The following KIAA0319 variants were observed in gnomAD, a reference collection of about 807,000 sequenced individuals.
KIAA0319 encodes the protein dyslexia-associated protein KIAA0319.
KIAA0319 carries 83 observed loss-of-function variants against 108.4 expected under a neutral mutation model. The ratio of observed to expected loss-of-function variants is 0.77; its 90% CI spans 0.64 to 0.92. The LOEUF (loss-of-function observed/expected upper bound fraction) is 0.92. Among genes scored for constraint, KIAA0319 ranks in the 40% least tolerant of loss-of-function variants. KIAA0319 has a pLI of 0.00. For missense variants in KIAA0319, 1,195 were observed against 1,322.4 expected, an observed-to-expected ratio of 0.90 and a Z score of 1.49; for synonymous variants, 484 against 510.4, an observed-to-expected ratio of 0.95 and a Z score of 0.70.
chr6:24,555,050 T>C (rs1762092085), intron 18 of KIAA0319, among the ~76,000 whole-genome samples: 1 of 152,232 alleles, frequency 6.6e-6, no homozygotes. Context: ...TATGGCTGTT[T>C]ATGGCATGAA....
intron 16 of KIAA0319, among the ~76,000 whole-genome samples, chr6:24,562,482 G>A (rs959666500): frequency 1.3e-5 from 2 of 152,108 alleles, no homozygotes; most frequent in African/African-American, 4.8e-5. Flanking sequence ...GTGAATAGTG[G>A]GTTTTCATTC....
intron 1 of KIAA0319, among the ~76,000 whole-genome samples, chr6:24,636,946 ACTAT>A (rs1378583362): frequency 6.6e-6 from 1 of 152,242 alleles, no homozygotes; most frequent in Non-Finnish European, 1.5e-5. Flanking sequence ...AGTTGAGCAA[ACTAT>A]CTACTCCATG....
At chr6:24,630,508 C>CAAAAAAAAAAAAAAAA (rs66787757) in intron 1 of KIAA0319, among the ~76,000 whole-genome samples, 1 of 104,460 alleles carries the variant, frequency 9.6e-6, no homozygotes, top group African/African-American at 3.6e-5. Context: ...GATTCTGTCT[C>CAAAAAAAAAAAAAAAA]AAAAAAAAAA....
chr6:24,541,972 G>T (rs373947531), downstream of KIAA0319, among the ~76,000 whole-genome samples: 1 of 152,016 alleles, frequency 6.6e-6, no homozygotes, highest in South Asian at 2.1e-4. Flanking sequence ...AAACTCCGTC[G>T]CTACTAAAAA....
At chr6:24,573,933 G>A (rs1051409149) in intron 10 of KIAA0319, among the ~76,000 whole-genome samples, 2 of 151,794 alleles carry the variant, frequency 1.3e-5, no homozygotes, top group African/African-American at 4.8e-5. Flanking sequence ...TGGCCAAAAT[G>A]GTGAAACCCC....
intron 1 of KIAA0319, among the ~76,000 whole-genome samples, chr6:24,644,329 T>A (rs1485237567): frequency 6.6e-6 from 1 of 152,190 alleles, no homozygotes; most frequent in Non-Finnish European, 1.5e-5. Flanking sequence ...AATGATCTTG[T>A]TTTTACTAAT....
At chr6:24,622,492 T>C (rs374594828) in intron 1 of KIAA0319, among the ~76,000 whole-genome samples, 1 of 152,096 alleles carries the variant, frequency 6.6e-6, no homozygotes, top group East Asian at 1.9e-4. Context: ...AATAGGCTGC[T>C]ACAAATGAGG....
chr6:24,639,846 TAA>T (rs34542799), intron 1 of KIAA0319, among the ~76,000 whole-genome samples: 2 of 134,880 alleles, frequency 1.5e-5, no homozygotes, highest in Non-Finnish European at 1.6e-5. Flanking sequence ...GACTCCATCT[TAA>T]AAAAAAAAAA....
rs572519802 is a variant in KIAA0319, at chr6:24,545,762, G to C, written c.*1403C>G. ...GCTGAATTTTTTTTAAGAACCCATG[G>C]GGAAACATTTTCTCTGGCACTCCTG... On this transcript the variant is annotated 3_prime_UTR_variant, in exon 21 of 21. Transcript: ENST00000378214. The C allele has an allele frequency of 1.3e-5, 2 of 152,300 alleles. No individual in the cohort carries two copies. Among genetic ancestry groups the C allele is most frequent in the South Asian group, 4.1e-4 (2 of 4,822 alleles). 9.4% of individuals were successfully genotyped at this position (152,300 alleles called of 1,614,324 possible).
chr6:24,580,785 C>A, intron 7 of KIAA0319, 141 bp downstream of exon 7: 2 of 625,912 alleles, frequency 3.2e-6, no homozygotes, highest in East Asian at 5.5e-5. Context: ...ATAATCTTTG[C>A]GTGTTTTCTC....
intron 5 of KIAA0319, chr6:24,583,208 T>C (rs1307924809): frequency 1.7e-5 from 17 of 989,350 alleles, no homozygotes; most frequent in African/African-American, 7.0e-5. Context: ...AGAGCCGTGA[T>C]TGTCAATGCC....
At chr6:24,632,175 T>C (rs142270361) in intron 1 of KIAA0319, among the ~76,000 whole-genome samples, 108 of 152,360 alleles carry the variant, frequency 7.1e-4, no homozygotes, top group African/African-American at 2.3e-3. Context: ...ATCCATCCTA[T>C]TAATAATCAG....
At chr6:24,563,246 G>T in intron 16 of KIAA0319, 113 bp downstream of exon 16, 1 of 1,199,874 alleles carries the variant, frequency 8.3e-7, no homozygotes, top group Non-Finnish European at 1.1e-6. Flanking sequence ...GGATAAAAGT[G>T]TGTCAAAAAT....
In KIAA0319 at chr6:24,596,020, C is replaced by G. The variant is rs1769494246; in HGVS notation, c.654G>C (p.Leu218=). ...ETQQDPELHY[L]NESASTPAPK... ...GGGCAGGGGTTGAAGCCGACTCATTCAGGTAATGGAGCTCAGGGTCCTGCT... is the reference window on the plus strand; with the variant it reads ...GGGCAGGGGTTGAAGCCGACTCATTGAGGTAATGGAGCTCAGGGTCCTGCT... Residue 218 remains leucine (L), a synonymous_variant, in exon 3 of 21, where the codon CTG becomes CTC. Coordinates refer to ENST00000378214, the MANE Select transcript of KIAA0319 (RefSeq NM_014809.4). 1 of 1,614,062 alleles carries G rather than the reference C, an allele frequency of 6.2e-7. No homozygotes were observed. Among genetic ancestry groups the G allele is most frequent in the African/African-American group, 1.3e-5 (1 of 74,914 alleles).
intron 1 of KIAA0319, among the ~76,000 whole-genome samples, chr6:24,610,652 G>C (rs770526435): frequency 2.0e-5 from 3 of 152,192 alleles, no homozygotes; most frequent in Non-Finnish European, 4.4e-5. Context: ...CTGGCAGGGT[G>C]GCTCATTCCT....
At position 24,551,443 on chromosome 6, in the gene KIAA0319, G is replaced by T. The variant is rs186070494; in HGVS notation, c.3031C>A (p.Pro1011Thr). Residue 1011 changes from proline to threonine, a missense_variant, in exon 20 of 21, where the codon CCC becomes ACC. Transcript: ENST00000378214. ...CTGCAGACTGTCTTACCATATTTGG[G>T]CCTCAGTTCCATTCTTTCCTGTTCA... is the stretch of plus-strand genomic sequence containing the variant. ...MDEQERMELRPKYGIKHRSTE... is the reference protein window; with the variant it reads ...MDEQERMELRTKYGIKHRSTE... 106 of 1,608,320 alleles carry T rather than the reference G, an allele frequency of 6.6e-5. No homozygotes were observed. In the Admixed American group the frequency reaches 1.5e-3, roughly 24 times the overall value.
intron 1 of KIAA0319, among the ~76,000 whole-genome samples, chr6:24,624,293 G>A (rs1159821353): frequency 6.8e-6 from 1 of 147,466 alleles, no homozygotes; most frequent in African/African-American, 2.5e-5. Flanking sequence ...CATCTACCTC[G>A]GCCTCCCAAA....
chr6:24,542,654 G>A (rs886358590), downstream of KIAA0319, among the ~76,000 whole-genome samples: 1 of 152,126 alleles, frequency 6.6e-6, no homozygotes, highest in East Asian at 1.9e-4. Flanking sequence ...GGTCCACACT[G>A]CAGTGAGCCG....
At chr6:24,610,663 G>A (rs1037684220) in intron 1 of KIAA0319, among the ~76,000 whole-genome samples, 1 of 152,164 alleles carries the variant, frequency 6.6e-6, no homozygotes, top group Non-Finnish European at 1.5e-5. Flanking sequence ...GCTCATTCCT[G>A]TAATCCCAGC....
Sources: allele counts gnomAD v4.1 joint callset (sites outside exome capture counted in the v4.1 genomes callset), GRCh38; gene constraint gnomAD v4.1.1; transcripts MANE v1.5; gene names NCBI Gene and HGNC (gene_info 2026-07-23, HGNC 2026-07-21).